The following ANKRD17 variants were observed in gnomAD, a reference collection of about 807,000 sequenced individuals.
ANKRD17 encodes the protein ankyrin repeat domain-containing protein 17.
In ANKRD17, 19 loss-of-function variants were observed where a neutral mutation model predicts 229.7. The ratio of observed to expected loss-of-function variants is 0.08; its 90% CI spans 0.06 to 0.12. ANKRD17 has a LOEUF of 0.12. ANKRD17 is among the 10% of genes least tolerant of loss of function. ANKRD17 has a pLI of 1.00. For synonymous variants in ANKRD17, 1,112 were observed against 1,146.1 expected (o/e 0.97, Z 0.60); for missense variants, 2,176 against 3,176.8 (o/e 0.68, Z 7.57).
intron 24 of ANKRD17, among the ~76,000 whole-genome samples, chr4:73,110,975 A>G (rs190248062): frequency 2.6e-5 from 4 of 152,338 alleles, no homozygotes; most frequent in Non-Finnish European, 2.9e-5. Flanking sequence ...TTAAGGTTAA[A>G]TAACGCTGGC....
Position 73,077,335 on chromosome 4 carries a change from G to C in ANKRD17, c.7587+20C>G, listed in dbSNP as rs182785235. ...CAGAAAATCCTCCCTTAAATAACTA[G>C]TACAAAATCAGGACTTTACCCCAAC... is the stretch of plus-strand genomic sequence containing the variant. On this transcript the variant is annotated intron_variant, in intron 32 of 33. Transcript: ENST00000358602. 4.4e-4 allele frequency: 696 copies of C among 1,585,908 alleles called. 6 individuals carry two copies. The African/African-American group carries it at 8.4e-3, about 19-fold the overall frequency.
chr4:73,149,129 A>G, intron 7 of ANKRD17, 79 bp from the exon 8 acceptor site: 1 of 1,173,610 alleles, frequency 8.5e-7, no homozygotes, highest in Non-Finnish European at 1.2e-6. Context: ...CTCAATTACT[A>G]TACAATGAAG....
chr4:73,217,582 G>A (rs1741246310), intron 1 of ANKRD17, among the ~76,000 whole-genome samples: 1 of 151,602 alleles, frequency 6.6e-6, no homozygotes, highest in African/African-American at 2.4e-5. Context: ...GGCTGGTCTT[G>A]AACTCCTGGG....
intron 1 of ANKRD17, among the ~76,000 whole-genome samples, chr4:73,225,617 G>A (rs984132285): frequency 6.6e-6 from 1 of 152,084 alleles, no homozygotes; most frequent in Non-Finnish European, 1.5e-5. Context: ...CCAGCACTCT[G>A]GGAGGCCCAG....
At chr4:73,121,519 A>C in intron 19 of ANKRD17, 98 bp downstream of exon 19, 1 of 1,397,854 alleles carries the variant, frequency 7.2e-7, no homozygotes, top group Non-Finnish European at 1.0e-6. Context: ...TTTGTAATAA[A>C]GGGATTTACT....
chr4:73,113,250 A>G, intron 24 of ANKRD17: 10 of 1,289,396 alleles, frequency 7.8e-6, no homozygotes, highest in Non-Finnish European at 1.0e-5. Flanking sequence ...TGTCCAAACT[A>G]TATGCTGTTT....
At chr4:73,197,230 T>C (rs1738007764) in intron 1 of ANKRD17, among the ~76,000 whole-genome samples, 2 of 152,306 alleles carry the variant, frequency 1.3e-5, no homozygotes, top group South Asian at 4.1e-4. Context: ...CTTATATTCC[T>C]ACAGCCATAT....
At chr4:73,228,716 C>G (rs943599898) in intron 1 of ANKRD17, among the ~76,000 whole-genome samples, 2 of 152,118 alleles carry the variant, frequency 1.3e-5, no homozygotes, top group African/African-American at 4.8e-5. Context: ...GACAGCTGCT[C>G]AAATTTTCAT....
chr4:73,258,366 G>T lies in ANKRD17; in HGVS notation c.303C>A (p.Gly101=), dbSNP rs755444217. 6.4e-6 allele frequency: 10 copies of T among 1,565,348 alleles called. No homozygotes were observed. The highest frequency in any genetic ancestry group is 4.5e-5 in the East Asian group (2 of 44,344). The change falls in exon 1 of 34, where the codon GGC becomes GGA. Residue 101 remains glycine (G), a synonymous_variant. Transcript: ENST00000358602. ...DSDNSGGGGG[G]GGGGGGGGGT... is the part of the protein sequence containing the mutation. ...CGCCGCCGCCACCTCCGCCTCCACCGCCGCCTCCACCGCCGCCGCTGTTGT... is the reference window on the plus strand; with the variant it reads ...CGCCGCCGCCACCTCCGCCTCCACCTCCGCCTCCACCGCCGCCGCTGTTGT...
At position 73,179,488 on chromosome 4, in the gene ANKRD17, G is replaced by GTGTGTATATA. The variant is rs1491132715; in HGVS notation, c.394-1956_394-1955insTATATACACA. 5.6e-4 allele frequency among the ~76,000 whole-genome samples: 27 copies of GTGTGTATATA among 48,214 alleles called. 1 individual carries two copies. The highest frequency in any genetic ancestry group is 2.0e-3 in the African/African-American group (23 of 11,334). 31.6% of individuals were successfully genotyped at this position (48,214 alleles called of 152,430 possible). On this transcript the variant is annotated intron_variant, in intron 1 of 33. Transcript: ENST00000358602. ...TATATGTGTGTGTGTGTGTGTGTGTGTATATATATATATATATATATATAT... is the reference window on the plus strand; with the variant it reads ...TATATGTGTGTGTGTGTGTGTGTGTGTGTGTATATATATATATATATATATATATATATAT...
chr4:73,123,134 C>T (rs1167283981), intron 18 of ANKRD17, among the ~76,000 whole-genome samples: 1 of 151,912 alleles, frequency 6.6e-6, no homozygotes, highest in Non-Finnish European at 1.5e-5. Context: ...AATTACAGTG[C>T]CCTATTGGCT....
chr4:73,179,753 C>A (rs1735298300), intron 1 of ANKRD17, among the ~76,000 whole-genome samples: 1 of 151,160 alleles, frequency 6.6e-6, no homozygotes, highest in African/African-American at 2.4e-5. Flanking sequence ...GCATGCACTA[C>A]CAGGCCTGGC....
At chr4:73,193,192 C>T (rs1737364550) in intron 1 of ANKRD17, among the ~76,000 whole-genome samples, 1 of 152,186 alleles carries the variant, frequency 6.6e-6, no homozygotes, top group African/African-American at 2.4e-5. Context: ...TAGCTTCTTT[C>T]TCAAACACAT....
At chr4:73,246,637 T>C (rs766986755) in intron 1 of ANKRD17, among the ~76,000 whole-genome samples, 1 of 152,156 alleles carries the variant, frequency 6.6e-6, no homozygotes, top group Non-Finnish European at 1.5e-5. Flanking sequence ...TAAAATCATC[T>C]AAATGAGACC....
chr4:73,215,900 C>T (rs1483533930), intron 1 of ANKRD17, among the ~76,000 whole-genome samples: 1 of 152,066 alleles, frequency 6.6e-6, no homozygotes, highest in Admixed American at 6.5e-5. Flanking sequence ...TCACAATAGA[C>T]TGAATATGAC....
intron 1 of ANKRD17, among the ~76,000 whole-genome samples, chr4:73,248,107 A>G (rs769784607): frequency 5.3e-5 from 8 of 151,996 alleles, no homozygotes; most frequent in Non-Finnish European, 1.0e-4. Flanking sequence ...AATCACAAGT[A>G]TATTAATATA....
chr4:73,220,079 T>C (rs1741645212), intron 1 of ANKRD17, among the ~76,000 whole-genome samples: 1 of 152,132 alleles, frequency 6.6e-6, no homozygotes, highest in African/African-American at 2.4e-5. Flanking sequence ...GCCATGTAAA[T>C]TTGGGATATA....
At chr4:73,119,687 A>G (rs1726453025) in intron 21 of ANKRD17, among the ~76,000 whole-genome samples, 1 of 152,230 alleles carries the variant, frequency 6.6e-6, no homozygotes. Flanking sequence ...ACAGACAAGC[A>G]TCTTTGGAAA....
In ANKRD17 at chr4:73,077,359, A is replaced by G; in HGVS notation, c.7583T>C (p.Val2528Ala). Residue 2528 changes from valine (V) to alanine (A), a missense_variant, in exon 32 of 34, where the codon GTT becomes GCT. Physicochemically the swap from Val to Ala is moderately conservative, Grantham distance 64. Around this residue, in one of 18 missense-constraint regions of ANKRD17, gnomAD observed 159 missense variants for 214.3 expected, o/e 0.74. Coordinates refer to ENST00000358602, the MANE Select transcript of ANKRD17 (RefSeq NM_032217.5). Reference protein sequence around the residue: ...VPAGYMDFPKVGGMPFSVYGN... With the variant: ...VPAGYMDFPKAGGMPFSVYGN... ...AGTACAAAATCAGGACTTTACCCCA[A>G]CTTTAGGAAAGTCCATGTAGCCTGC... is the stretch of plus-strand genomic sequence containing the variant. The G allele has an allele frequency of 6.2e-7, 1 of 1,600,984 alleles. No individual in the cohort carries two copies. Among genetic ancestry groups the G allele is most frequent in the South Asian group, 1.1e-5 (1 of 88,322 alleles).
Sources: gnomAD v4.1 joint callset for allele counts (sites outside exome capture counted in the v4.1 genomes callset) on GRCh38, gnomAD v4.1.1 for gene constraint, gnomAD v4.1.1 regional missense constraint, MANE v1.5 for transcripts, NCBI Gene and HGNC (gene_info 2026-07-23, HGNC 2026-07-21) for gene names.